Variants in SMG1 observed in about 807,000 individuals in gnomAD.
SMG1 encodes the protein serine/threonine-protein kinase SMG1.
SMG1 carries 22 observed loss-of-function variants against 419.9 expected under a neutral mutation model. The observed-to-expected ratio is 0.05, with a 90% CI of 0.04 to 0.07. SMG1 has a LOEUF of 0.07. SMG1 is among the 10% of genes least tolerant of loss of function. The pLI is 1.00. For missense variants in SMG1, 3,185 were observed against 4,342.0 expected, an observed-to-expected ratio of 0.73 and a Z score of 7.49; for synonymous variants, 1,538 against 1,553.5, an observed-to-expected ratio of 0.99 and a Z score of 0.23.
At position 18,872,186 on chromosome 16, in the gene SMG1, C is replaced by T. The variant is rs750111303; in HGVS notation, c.2181G>A (p.Thr727=). 3.5e-5 allele frequency: 51 copies of T among 1,465,016 alleles called. No individual in the cohort carries two copies. The highest frequency in any genetic ancestry group is 2.8e-4 in the Admixed American group (15 of 52,732). The allele number at this position is 1,465,016 out of a possible 1,614,324, so 90.8% of individuals were successfully genotyped here. ...TAATACTATATAATATCTGTTACCT[C>T]GTGTCCTGGTTAAGGTTATCTTTCT... is the stretch of plus-strand genomic sequence containing the variant. ...LLKKDNLNQD[T]RKLLMTWALE... The change falls in exon 15 of 63, where the codon ACG becomes ACA. Residue 727 remains threonine, a splice_region_variant and synonymous_variant. Coordinates refer to ENST00000446231, the MANE Select transcript of SMG1 (RefSeq NM_015092.5).
rs1567338193 is a variant in SMG1, at chr16:18,834,996, C to A, written c.8226G>T (p.Leu2742Phe). Residue 2742 changes from leucine (L) to phenylalanine (F), a missense_variant, in exon 49 of 63, where the codon TTG becomes TTT. Around this residue, in one of 27 missense-constraint regions of SMG1, gnomAD observed 412 missense variants for 546.6 expected, o/e 0.75. Transcript: ENST00000446231. The part of the protein sequence containing the change: ...AVTVPVCEDQ[L>F]KEIERCIKVF... The stretch of plus-strand genomic sequence containing the variant: ...CTTTAATGCAACGTTCAATTTCTTT[C>A]AACTGATCTTCACAAACTGGCACAG... 1 of 1,614,010 alleles carries A rather than the reference C, an allele frequency of 6.2e-7. No individual in the cohort carries two copies. Among genetic ancestry groups the A allele is most frequent in the South Asian group, 1.1e-5 (1 of 91,080 alleles).
At chr16:18,909,190 AAATT>A (rs1308334881) in intron 1 of SMG1, among the ~76,000 whole-genome samples, 3 of 150,784 alleles carry the variant, frequency 2.0e-5, no homozygotes, top group Non-Finnish European at 4.4e-5. Context: ...TAAAAATACA[AAATT>A]AGCCAGGTGT....
intron 1 of SMG1, among the ~76,000 whole-genome samples, chr16:18,901,522 A>G (rs1486528572): frequency 6.6e-6 from 1 of 152,166 alleles, no homozygotes; most frequent in Non-Finnish European, 1.5e-5. Context: ...ACTGTCACCA[A>G]TTTTTAACTG....
intron 1 of SMG1, among the ~76,000 whole-genome samples, chr16:18,913,797 C>T (rs1178283046): frequency 6.6e-6 from 1 of 152,002 alleles, no homozygotes; most frequent in Non-Finnish European, 1.5e-5. Context: ...AATCTAGTGT[C>T]TCCCCTTAAT....
intron 29 of SMG1, chr16:18,856,853 G>A (rs934494205): frequency 7.5e-6 from 1 of 133,654 alleles, no homozygotes; most frequent in African/African-American, 3.0e-5. Flanking sequence ...CTGGGCAACA[G>A]AGTGAGATGG....
At chr16:18,871,158 T>A (rs878959020) in intron 16 of SMG1, among the ~76,000 whole-genome samples, 1 of 152,084 alleles carries the variant, frequency 6.6e-6, no homozygotes, top group Non-Finnish European at 1.5e-5. Context: ...AACATTCACG[T>A]AAGCTTAAAA....
At position 18,850,379 on chromosome 16, in the gene SMG1, C is replaced by G. The variant is rs2034521479; in HGVS notation, c.5141G>C (p.Ser1714Thr). 6.2e-7 allele frequency: 1 copy of G among 1,613,870 alleles called. No homozygotes were observed. Among genetic ancestry groups the G allele is most frequent in the South Asian group, 1.1e-5 (1 of 91,082 alleles). The change falls in exon 34 of 63, where the codon AGC becomes ACC. Residue 1714 changes from serine (S) to threonine (T), a missense_variant. Physicochemically the swap from Ser to Thr is moderately conservative, Grantham distance 58 (BLOSUM62 1). Transcript: ENST00000446231. ...ATCAAGTTCTGAAAGCCATGGGCAG[C>G]TTGATATCAACTGACGCCAGATAAC... ...VDVIWRQLIS[S>T]CPWLSELDES...
chr16:18,916,992 T>A (rs901242901), intron 1 of SMG1, among the ~76,000 whole-genome samples: 1 of 152,072 alleles, frequency 6.6e-6, no homozygotes, highest in African/African-American at 2.4e-5. Flanking sequence ...ATGACACTTA[T>A]ATGACATTCC....
intron 12 of SMG1, 136 bp from the exon 13 acceptor site, chr16:18,876,529 C>A (rs2036141274): frequency 1.7e-6 from 2 of 1,185,100 alleles, no homozygotes; most frequent in Non-Finnish European, 1.2e-6. Flanking sequence ...GTCCGTAGCA[C>A]TTAATATTTT....
chr16:18,862,138 T>C (rs1452716255), intron 25 of SMG1, among the ~76,000 whole-genome samples: 1 of 152,158 alleles, frequency 6.6e-6, no homozygotes, highest in Non-Finnish European at 1.5e-5. Flanking sequence ...TCAATAGTAT[T>C]CAATCTAGCT....
At chr16:18,883,626 T>A (rs925178724) in intron 9 of SMG1, among the ~76,000 whole-genome samples, 1 of 152,188 alleles carries the variant, frequency 6.6e-6, no homozygotes, top group Non-Finnish European at 1.5e-5. Context: ...GAAATAAATG[T>A]TTAAAATATT....
At position 18,838,216 on chromosome 16, in the gene SMG1, C is replaced by T. The variant is rs1273778463; in HGVS notation, c.7211G>A (p.Arg2404Gln). The T allele has an allele frequency of 4.3e-6, 7 of 1,610,916 alleles. No individual in the cohort carries two copies. The highest frequency in any genetic ancestry group is 4.5e-5 in the East Asian group (2 of 44,802). ...LSCEQVLHIMRRGRETLLTLL... is the reference protein window; with the variant it reads ...LSCEQVLHIMQRGRETLLTLL... ...CGTCAGCAGGGTCTCTCTGCCACGC[C>T]GCATAATGTGTAAAACCTGTTTTCA... is the stretch of plus-strand genomic sequence containing the variant. Residue 2404 changes from arginine (R) to glutamine (Q), a missense_variant, in exon 45 of 63, where the codon CGG becomes CAG. Arg to Gln is a conservative substitution (Grantham distance 43, BLOSUM62 1). Around this residue, in one of 27 missense-constraint regions of SMG1, gnomAD observed 60 missense variants for 133.9 expected, o/e 0.45. Transcript: ENST00000446231.
rs1050157390 is a variant in SMG1, at chr16:18,829,153, G to A, written c.9603+133C>T. ...TGGAAAGAAAGTGCCAAAATGCTAT[G>A]GTGTGTTTGCATTGGGTTGCTGTGA... On this transcript the variant is annotated intron_variant, in intron 54 of 62. Coordinates refer to ENST00000446231, the MANE Select transcript of SMG1 (RefSeq NM_015092.5). 6.4e-5 allele frequency: 43 copies of A among 668,336 alleles called. 1 individual carries two copies. The Middle Eastern group carries it at 1.4e-3, about 22-fold the overall frequency. The allele number at this position is 668,336 out of a possible 1,614,324, so 41.4% of individuals were successfully genotyped here. A position where few individuals can be genotyped will look rare whatever the true frequency, so the allele number is the denominator to read the frequency against.
In SMG1 at chr16:18,919,868, G is replaced by A. The variant is rs149364265; in HGVS notation, c.92+6082C>T. ...TGTAATCCCAGCACTCTGAGAAGCC[G>A]AGGTGGGAACCTGAGGTCAGGAGTT... is the stretch of plus-strand genomic sequence containing the variant. On this transcript the variant is annotated intron_variant, in intron 1 of 62. Transcript: ENST00000446231. Among the ~76,000 whole-genome samples, 1,022 of 152,062 alleles carry A rather than the reference G, an allele frequency of 6.7e-3. 9 individuals are homozygous for A. Among genetic ancestry groups the A allele is most frequent in the African/African-American group, 0.023 (958 of 41,488 alleles).
At chr16:18,861,794 C>T (rs2035231984) in intron 25 of SMG1, among the ~76,000 whole-genome samples, 1 of 151,784 alleles carries the variant, frequency 6.6e-6, no homozygotes, top group South Asian at 2.1e-4. Flanking sequence ...GAAAAACAAA[C>T]AAATAAACAA....
rs781720069 is a variant in SMG1 at position 18,841,821 on chromosome 16, G to A, written c.6467-27C>T. On this transcript the variant is annotated intron_variant, in intron 40 of 62. Coordinates refer to ENST00000446231, the MANE Select transcript of SMG1 (RefSeq NM_015092.5). ...TATGAAAACAAAATTAAAATAGCTA[G>A]GATAGGTGATTAAACAGGGTTGGGA... is the stretch of plus-strand genomic sequence containing the variant. 5 of 1,590,442 alleles carry A rather than the reference G, an allele frequency of 3.1e-6. No homozygotes were observed. In the South Asian group the frequency reaches 4.4e-5, roughly 14 times the overall value.
In SMG1 at chr16:18,879,532, G is replaced by T; in HGVS notation, c.1481C>A (p.Thr494Asn). The T allele has an allele frequency of 9.1e-7, 1 of 1,094,856 alleles. No individual in the cohort carries two copies. The highest frequency in any genetic ancestry group is 1.3e-6 in the Non-Finnish European group (1 of 744,780). 67.8% of individuals were successfully genotyped at this position (1,094,856 alleles called of 1,614,324 possible). ...ATTCAAGACTGAGATGATATAATCG[G>T]TACCACAAGTCTGGCAATTCTCCAG... Reference protein sequence around the residue: ...DQLENCQTCGTDYIISVLNLL... With the variant: ...DQLENCQTCGNDYIISVLNLL... The change falls in exon 11 of 63, where the codon ACC becomes AAC. Residue 494 changes from threonine to asparagine, a missense_variant. Coordinates refer to ENST00000446231, the MANE Select transcript of SMG1 (RefSeq NM_015092.5).
At chr16:18,835,872 C>A in intron 48 of SMG1, 61 bp downstream of exon 48, 1 of 1,484,708 alleles carries the variant, frequency 6.7e-7, no homozygotes, top group South Asian at 1.3e-5. Context: ...ACACTCCAGC[C>A]TGGGTGACAG....
intron 3 of SMG1, 22 bp downstream of exon 3, chr16:18,896,030 G>C (rs1360323162): frequency 6.2e-7 from 1 of 1,610,612 alleles, no homozygotes. Flanking sequence ...TATGTGATTG[G>C]TCCCCGTTTT....
Sources: allele counts gnomAD v4.1 joint callset (sites outside exome capture counted in the v4.1 genomes callset), GRCh38; gene constraint gnomAD v4.1.1; regional missense constraint gnomAD v4.1.1; transcripts MANE v1.5; gene names NCBI Gene and HGNC (gene_info 2026-07-23, HGNC 2026-07-21).